PYGM: variants seen among roughly 807,000 people sequenced by gnomAD.
PYGM encodes glycogen phosphorylase, muscle associated, also known as glycogen phosphorylase, muscle form.
A neutral mutation model predicts 99.3 loss-of-function variants in PYGM; 81 were observed. That is an observed-to-expected ratio of 0.82 (90% CI 0.68 to 0.98). The LOEUF (loss-of-function observed/expected upper bound fraction) is 0.98, where lower values mean the gene tolerates loss of function less well. PYGM is among the 50% of genes least tolerant of loss of function. The probability of loss-of-function intolerance (pLI) is 0.00; values close to 1 mark genes in which losing one functional copy is unlikely to be tolerated. For synonymous variants in PYGM, 436 were observed against 451.5 expected (o/e 0.97, Z 0.44); for missense variants, 1,030 against 1,158.1 (o/e 0.89, Z 1.61).
In PYGM at chr11:64,754,718, G is replaced by A. The variant is rs536561941; in HGVS notation, c.974C>T (p.Thr325Met). The A allele has an allele frequency of 4.8e-5, 77 of 1,613,762 alleles. 1 individual carries two copies. The highest frequency in any genetic ancestry group is 4.4e-5 in the South Asian group (4 of 91,062). Reference sequence around the variant, plus strand: ...CTTATCTGGGAAGGCATCGAAGTTCGTGCGCACGGGATCACGGCAGCCGAA... The same window carrying A: ...CTTATCTGGGAAGGCATCGAAGTTCATGCGCACGGGATCACGGCAGCCGAA... The part of the protein sequence containing the change: ...SKFGCRDPVR[T>M]NFDAFPDKVA... Residue 325 changes from threonine to methionine, a missense_variant, in exon 8 of 20, where the codon ACG becomes ATG. Transcript: ENST00000164139. This position sits in a 1 kb window ranked among gnomAD's most constrained non-coding sequence, Gnocchi z 5.5.
At chr11:64,758,808 C>T (rs2058413570) in intron 1 of PYGM, 104 bp from the exon 2 acceptor site, 2 of 1,001,062 alleles carry the variant, frequency 2.0e-6, no homozygotes, top group African/African-American at 1.6e-5. Flanking sequence ...CCCTGCTCAG[C>T]AGTCCCATCC....
chr11:64,756,430 T>C (rs1295016309), intron 5 of PYGM, among the ~76,000 whole-genome samples: 1 of 152,216 alleles, frequency 6.6e-6, no homozygotes, highest in Non-Finnish European at 1.5e-5. Context: ...AGCAGGAAGA[T>C]TGCCTGAACT....
At chr11:64,757,977 G>C in intron 4 of PYGM, 67 bp from the exon 5 acceptor site, 1 of 1,603,958 alleles carries the variant, frequency 6.2e-7, no homozygotes, top group Non-Finnish European at 8.5e-7. Flanking sequence ...GTGCACGGTG[G>C]GGCAGGGTGG....
intron 12 of PYGM, 119 bp from the exon 13 acceptor site, chr11:64,752,623 T>A: frequency 1.0e-6 from 1 of 1,000,528 alleles, no homozygotes; most frequent in Non-Finnish European, 1.5e-6. Flanking sequence ...CTGGGGGCCC[T>A]CCCAGCCCCT....
intron 17 of PYGM, among the ~76,000 whole-genome samples, chr11:64,749,502 C>T (rs1288361673): frequency 3.3e-5 from 5 of 151,600 alleles, no homozygotes; most frequent in Admixed American, 6.6e-5. Context: ...ATTAGCCAGG[C>T]GTGGCAGCAG....
Position 64,758,301 on chromosome 11 carries a change from T to C in PYGM, c.473A>G (p.Tyr158Cys). ...MATLGLAAYG[Y>C]GIRYEFGIFN... ...AATCCCAAACTCATAGCGAATCCCG[T>C]AGCCATAGGCGGCCAGGCCCAGTGT... Residue 158 changes from tyrosine to cysteine, a missense_variant, in exon 4 of 20, where the codon TAC (tyrosine) becomes TGC (cysteine). Tyr to Cys is a radical substitution (Grantham distance 194). Coordinates refer to ENST00000164139, the MANE Select transcript of PYGM (RefSeq NM_005609.4). The C allele has an allele frequency of 6.2e-7, 1 of 1,614,082 alleles. No homozygotes were observed.
At chr11:64,760,613 T>G (rs963316736), upstream of PYGM, among the ~76,000 whole-genome samples, 1 of 152,242 alleles carries the variant, frequency 6.6e-6, no homozygotes, top group Non-Finnish European at 1.5e-5. Flanking sequence ...GCCGCTAGCC[T>G]GCAGCACGGG....
In PYGM at chr11:64,753,980, C is replaced by T; in HGVS notation, c.1138G>A (p.Val380Met). 1 of 1,606,676 alleles carries T rather than the reference C, an allele frequency of 6.2e-7. No individual in the cohort carries two copies. Among genetic ancestry groups the T allele is most frequent in the Non-Finnish European group, 8.5e-7 (1 of 1,176,492 alleles). Residue 380 changes from valine (V) to methionine (M), a missense_variant, in exon 10 of 20, where the codon GTG becomes ATG. Transcript: ENST00000164139. ...VRTCAYTNHTVLPEALERWPV... is the reference protein window; with the variant it reads ...VRTCAYTNHTMLPEALERWPV... ...CAGCGCTCCAGGGCCTCGGGCAGCACCGTGTGGTTGGTGTAGGCACAGGTC... is the reference window on the plus strand; with the variant it reads ...CAGCGCTCCAGGGCCTCGGGCAGCATCGTGTGGTTGGTGTAGGCACAGGTC...
chr11:64,752,463 G>C lies in PYGM; in HGVS notation c.1560C>G (p.Arg520=). ...EDFISDLDQL[R]KLLSFVDDEA... ...CATCATCCACAAAGGAGAGCAGTTTGCGCAGCTGGTCCAGGTCAGAGATGA... is the reference window on the plus strand; with the variant it reads ...CATCATCCACAAAGGAGAGCAGTTTCCGCAGCTGGTCCAGGTCAGAGATGA... The change falls in exon 13 of 20, where the codon CGC becomes CGG. Residue 520 remains arginine (R), a synonymous_variant. Coordinates refer to ENST00000164139, the MANE Select transcript of PYGM (RefSeq NM_005609.4). 6.2e-7 allele frequency: 1 copy of C among 1,614,246 alleles called. No individual in the cohort carries two copies. The highest frequency in any genetic ancestry group is 8.5e-7 in the Non-Finnish European group (1 of 1,180,038).
In PYGM at chr11:64,753,104, C is replaced by G; in HGVS notation, c.1487G>C (p.Cys496Ser). Reference protein sequence around the residue: ...GITPRRWLVLCNPGLAEVIAE... With the variant: ...GITPRRWLVLSNPGLAEVIAE... ...AATGACCTCTGCCAGCCCGGGGTTA[C>G]ACAGAACCAGCCAGCGCCGAGGGGT... Residue 496 changes from cysteine to serine, a missense_variant, in exon 12 of 20, where the codon TGT becomes TCT. Transcript: ENST00000164139. 1 of 1,614,058 alleles carries G rather than the reference C, an allele frequency of 6.2e-7. No individual in the cohort carries two copies. The highest frequency in any genetic ancestry group is 2.2e-5 in the East Asian group (1 of 44,882).
At chr11:64,753,282 C>T (rs1456729985) in intron 11 of PYGM, 95 bp from the exon 12 acceptor site, 11 of 1,315,144 alleles carry the variant, frequency 8.4e-6, no homozygotes, top group Non-Finnish European at 1.1e-5. Flanking sequence ...CTGAAAGGGG[C>T]CTGGGGCAGG....
At position 64,755,619 on chromosome 11, in the gene PYGM, G is replaced by T; in HGVS notation, c.661-61C>A. 2 of 1,342,100 alleles carry T rather than the reference G, an allele frequency of 1.5e-6. No individual in the cohort carries two copies. The highest frequency in any genetic ancestry group is 1.2e-5 in the South Asian group (1 of 83,500). The allele number at this position is 1,342,100 out of a possible 1,614,324, so 83.1% of individuals were successfully genotyped here. On this transcript the variant is annotated intron_variant, in intron 5 of 19. Coordinates refer to ENST00000164139, the MANE Select transcript of PYGM (RefSeq NM_005609.4). This position sits in a 1 kb window ranked among gnomAD's most constrained non-coding sequence, Gnocchi z 4.1. ...CTGGCAATTGCCTCCCTCCCCTCAG[G>T]GCTGGGACTCAAGGCTTTATCCCTG...
intron 16 of PYGM, 151 bp from the exon 17 acceptor site, chr11:64,750,734 A>G: frequency 1.4e-6 from 1 of 707,078 alleles, no homozygotes. Context: ...TCCCTCTCAC[A>G]CCGCACCCCC....
Position 64,754,949 on chromosome 11 carries a change from C to G in PYGM, c.856-113G>C. The G allele has an allele frequency of 6.9e-7, 1 of 1,448,548 alleles. No individual in the cohort carries two copies. The highest frequency in any genetic ancestry group is 1.3e-5 in the South Asian group (1 of 79,188). The allele number at this position is 1,448,548 out of a possible 1,614,324, so 89.7% of individuals were successfully genotyped here. A position where few individuals can be genotyped will look rare whatever the true frequency, so the allele number is the denominator to read the frequency against. ...ATACCGGGACCCCTGAGCCCTGAGC[C>G]GGCCCCCTCTCTGGGACCCAGGGGC... On this transcript the variant is annotated intron_variant, in intron 7 of 19. Coordinates refer to ENST00000164139, the MANE Select transcript of PYGM (RefSeq NM_005609.4). This position sits in a 1 kb window ranked among gnomAD's most constrained non-coding sequence, Gnocchi z 5.5.
intron 10 of PYGM, 25 bp from the exon 11 acceptor site, chr11:64,753,707 G>C: frequency 6.3e-7 from 1 of 1,599,228 alleles, no homozygotes; most frequent in Non-Finnish European, 8.5e-7. Context: ...CCCAGAGCTA[G>C]AACCAGACCC....
In PYGM at chr11:64,750,361, C is replaced by T. The variant is rs759490480; in HGVS notation, c.2177+15G>A. On this transcript the variant is annotated intron_variant, in intron 17 of 19. Transcript: ENST00000164139. The stretch of plus-strand genomic sequence containing the variant: ...CACCTGGGTGTCTTTTGCCCGTGAA[C>T]CCTGACCCCCATACCCTCTTTGGTC... 3 of 1,613,894 alleles carry T rather than the reference C, an allele frequency of 1.9e-6. No individual in the cohort carries two copies. The highest frequency in any genetic ancestry group is 2.2e-5 in the East Asian group (1 of 44,882).
At chr11:64,751,824 G>C in intron 14 of PYGM, 100 bp downstream of exon 14, 3 of 1,554,278 alleles carry the variant, frequency 1.9e-6, no homozygotes, top group Admixed American at 3.4e-5. Context: ...TGTCCCAAGA[G>C]TAGTCCCAAG....
At chr11:64,747,980 G>A (rs1400822571) in intron 17 of PYGM, 2 of 163,854 alleles carry the variant, frequency 1.2e-5, no homozygotes, top group Non-Finnish European at 2.7e-5. Flanking sequence ...GGCGGAGGTT[G>A]CAGTGAACCG....
In PYGM at chr11:64,755,393, T is replaced by C. The variant is rs1266215867; in HGVS notation, c.773-38A>G. The C allele has an allele frequency of 3.1e-6, 5 of 1,612,186 alleles. No individual in the cohort carries two copies. Among genetic ancestry groups the C allele is most frequent in the Middle Eastern group, 1.6e-4 (1 of 6,084 alleles). ...AGTGGGGACAGGGTAAGGCCTGCGC[T>C]GGGCGTGGCCGGCGGGCAAGCTGGG... On this transcript the variant is annotated intron_variant, in intron 6 of 19. Coordinates refer to ENST00000164139, the MANE Select transcript of PYGM (RefSeq NM_005609.4). The surrounding 1 kb of genome is among the most constrained non-coding windows in gnomAD (Gnocchi z 4.1).
Sources: allele counts gnomAD v4.1 joint callset (sites outside exome capture counted in the v4.1 genomes callset), GRCh38; gene constraint gnomAD v4.1.1; non-coding constraint Gnocchi (gnomAD v3.1); transcripts MANE v1.5; gene names NCBI Gene and HGNC (gene_info 2026-07-23, HGNC 2026-07-21).